RGS7: variants seen among roughly 807,000 people sequenced by gnomAD.
RGS7 encodes regulator of G-protein signaling 7.
In RGS7, 27 loss-of-function variants were observed where a neutral mutation model predicts 81.1. The observed-to-expected ratio is 0.33, with a 90% CI of 0.25 to 0.46. The LOEUF (loss-of-function observed/expected upper bound fraction) is 0.46. RGS7 is among the 20% of genes least tolerant of loss of function. The pLI, the probability that RGS7 is intolerant of heterozygous loss-of-function variation, is 1.00. For synonymous variants in RGS7, 208 were observed against 207.7 expected, an observed-to-expected ratio of 1.00 and a Z score of -0.01; for missense variants, 396 against 607.4, an observed-to-expected ratio of 0.65 and a Z score of 3.66.
At chr1:240,987,511 G>T (rs1052113080) in intron 3 of RGS7, among the ~76,000 whole-genome samples, 7 of 151,190 alleles carry the variant, frequency 4.6e-5, no homozygotes, top group African/African-American at 1.7e-4. Flanking sequence ...CATGATTTTT[G>T]ATGTTATAAC....
chr1:241,091,634 T>C (rs1002237098), intron 3 of RGS7, among the ~76,000 whole-genome samples: 2 of 151,928 alleles, frequency 1.3e-5, no homozygotes, highest in African/African-American at 2.4e-5. Context: ...ATCTGTAATC[T>C]TAACACTTTG....
intron 3 of RGS7, among the ~76,000 whole-genome samples, chr1:241,086,834 A>C (rs1371375110): frequency 6.6e-6 from 1 of 152,120 alleles, no homozygotes; most frequent in Non-Finnish European, 1.5e-5. Flanking sequence ...TGGAGTTCCC[A>C]GAGCTCGCCA....
At chr1:241,151,092 A>G (rs1263327523) in intron 2 of RGS7, among the ~76,000 whole-genome samples, 1 of 152,100 alleles carries the variant, frequency 6.6e-6, no homozygotes, top group Non-Finnish European at 1.5e-5. Context: ...ATCAGGGTGG[A>G]TCTTCCCCAC....
chr1:241,170,429 G>A (rs550148404), intron 2 of RGS7, among the ~76,000 whole-genome samples: 172 of 152,230 alleles, frequency 1.1e-3, no homozygotes, highest in African/African-American at 3.9e-3. Context: ...AATGTGTTTA[G>A]ATTCTAGACA....
At chr1:241,014,335 A>C (rs888376076) in intron 3 of RGS7, among the ~76,000 whole-genome samples, 1 of 152,240 alleles carries the variant, frequency 6.6e-6, no homozygotes, top group African/African-American at 2.4e-5. Context: ...ATAAAACATG[A>C]GACTGTCCAA....
chr1:241,146,344 A>G (rs2103106672), intron 2 of RGS7, among the ~76,000 whole-genome samples: 1 of 152,378 alleles, frequency 6.6e-6, no homozygotes, highest in South Asian at 2.1e-4. Flanking sequence ...GTATGTGCCC[A>G]TATACACAAT....
intron 2 of RGS7, among the ~76,000 whole-genome samples, chr1:241,355,338 A>G (rs1267805633): frequency 2.0e-5 from 3 of 152,248 alleles, no homozygotes; most frequent in Non-Finnish European, 4.4e-5. Flanking sequence ...TCATTATTAT[A>G]ACCTAAATGT....
At chr1:240,906,660 C>T (rs1236723092) in intron 6 of RGS7, among the ~76,000 whole-genome samples, 1 of 152,186 alleles carries the variant, frequency 6.6e-6, no homozygotes, top group Non-Finnish European at 1.5e-5. Context: ...ATCACTGTTG[C>T]TTTTATTATA....
intron 3 of RGS7, among the ~76,000 whole-genome samples, chr1:241,057,943 TAGTC>T (rs1232266944): frequency 3.3e-5 from 5 of 152,128 alleles, no homozygotes; most frequent in Non-Finnish European, 5.9e-5. Flanking sequence ...AGTAGGTAGA[TAGTC>T]AGGCATGAGT....
At chr1:241,128,886 A>AC (rs2066886272) in intron 2 of RGS7, among the ~76,000 whole-genome samples, 1 of 151,522 alleles carries the variant, frequency 6.6e-6, no homozygotes. Context: ...ACATTTCCCT[A>AC]CCCCGTAATG....
rs368702186 is a variant in RGS7, at chr1:240,928,393, G to C, written c.385+2324C>G. On this transcript the variant is annotated intron_variant, in intron 6 of 18. Coordinates refer to ENST00000440928, the MANE Select transcript of RGS7 (RefSeq NM_001364886.1). ...GAACAATGTGAAACTTAAACATGCA[G>C]CATTTTGGGACGATCTACTTTAAGA... Among the ~76,000 whole-genome samples, 114 of 152,232 alleles carry C rather than the reference G, an allele frequency of 7.5e-4. 2 individuals carry two copies. The South Asian group carries it at 0.023, about 31-fold the overall frequency.
intron 2 of RGS7, among the ~76,000 whole-genome samples, chr1:241,257,182 G>A (rs1256505752): frequency 6.6e-6 from 1 of 151,978 alleles, no homozygotes; most frequent in Middle Eastern, 3.2e-3. Flanking sequence ...CTGGATGGTG[G>A]GAAGTCCGAG....
At chr1:241,299,736 C>T (rs1173474328) in intron 2 of RGS7, among the ~76,000 whole-genome samples, 3 of 151,258 alleles carry the variant, frequency 2.0e-5, no homozygotes, top group Non-Finnish European at 4.4e-5. Flanking sequence ...CATATGAGCA[C>T]GATGGAGAAG....
rs74966478 is a variant in RGS7 at position 241,331,775 on chromosome 1, G to C, written c.78+23924C>G. ...AGAGAGAAGCAAAATGAGCAATACA[G>C]CTTCTATTCAGATATCCAGAGTTAG... On this transcript the variant is annotated intron_variant, in intron 2 of 18. Transcript: ENST00000440928. Among the ~76,000 whole-genome samples the C allele has an allele frequency of 4.2e-3, 645 of 152,284 alleles. 10 individuals are homozygous for C. The highest frequency in any genetic ancestry group is 0.015 in the African/African-American group (608 of 41,562).
At chr1:240,932,985 G>C (rs1177330136) in intron 5 of RGS7, among the ~76,000 whole-genome samples, 2 of 135,000 alleles carry the variant, frequency 1.5e-5, no homozygotes, top group Admixed American at 1.6e-4. Flanking sequence ...CCGGGTTCAC[G>C]CCATTCTCCT....
intron 6 of RGS7, among the ~76,000 whole-genome samples, chr1:240,922,797 G>A (rs1673797549): frequency 1.3e-5 from 2 of 152,094 alleles, no homozygotes; most frequent in Non-Finnish European, 2.9e-5. Flanking sequence ...CACTTTGGAA[G>A]ACTGGAAGTT....
intron 2 of RGS7, among the ~76,000 whole-genome samples, chr1:241,241,474 G>A (rs1454591912): frequency 6.6e-6 from 1 of 152,070 alleles, no homozygotes; most frequent in Non-Finnish European, 1.5e-5. Flanking sequence ...ATGTTCCACG[G>A]GCTTAAACAC....
chr1:240,990,547 T>C (rs1686312637), intron 3 of RGS7, among the ~76,000 whole-genome samples: 1 of 152,244 alleles, frequency 6.6e-6, no homozygotes, highest in Non-Finnish European at 1.5e-5. Context: ...TGAGTGGGCA[T>C]ATTTTTAAGT....
At chr1:241,106,894 T>C (rs969951051) in intron 2 of RGS7, among the ~76,000 whole-genome samples, 2 of 138,740 alleles carry the variant, frequency 1.4e-5, no homozygotes, top group African/African-American at 5.9e-5. Flanking sequence ...TAGACGTTTC[T>C]GCTTTTTTTT....
Sources: allele counts gnomAD v4.1 joint callset (sites outside exome capture counted in the v4.1 genomes callset), GRCh38; gene constraint gnomAD v4.1.1; transcripts MANE v1.5; gene names NCBI Gene and HGNC (gene_info 2026-07-23, HGNC 2026-07-21).